ARHGAP10: variants seen among roughly 807,000 people sequenced by gnomAD.
The protein encoded by ARHGAP10 is Rho GTPase activating protein 10.
A neutral mutation model predicts 108.6 loss-of-function variants in ARHGAP10; 87 were observed. The observed-to-expected ratio is 0.80, with a 90% CI of 0.67 to 0.96. ARHGAP10 has a LOEUF of 0.96. Ranked by LOEUF, ARHGAP10 falls within the 40% of genes least tolerant of loss-of-function variation. The pLI, the probability that ARHGAP10 is intolerant of heterozygous loss-of-function variation, is 0.00. For synonymous variants in ARHGAP10, 347 were observed against 341.1 expected (o/e 1.02, Z -0.19); for missense variants, 939 against 954.5 (o/e 0.98, Z 0.21).
intron 1 of ARHGAP10, among the ~76,000 whole-genome samples, chr4:147,754,779 T>A (rs552100049): frequency 6.6e-6 from 1 of 152,226 alleles, no homozygotes; most frequent in African/African-American, 2.4e-5. Flanking sequence ...CTGTTAGAAT[T>A]ATAATGAAGT....
intron 18 of ARHGAP10, among the ~76,000 whole-genome samples, chr4:148,022,152 G>A (rs1476220170): frequency 1.3e-5 from 2 of 152,082 alleles, no homozygotes; most frequent in African/African-American, 2.4e-5. Flanking sequence ...AGTGCTTTTT[G>A]TTTTTAAATT....
chr4:147,792,875 C>T (rs986209747), intron 1 of ARHGAP10, among the ~76,000 whole-genome samples: 3 of 152,106 alleles, frequency 2.0e-5, no homozygotes, highest in Admixed American at 6.6e-5. Context: ...GTTGGCCAGG[C>T]GAGGTGGCTC....
chr4:148,026,488 G>A (rs969628702), intron 19 of ARHGAP10, among the ~76,000 whole-genome samples: 3 of 152,040 alleles, frequency 2.0e-5, no homozygotes, highest in Non-Finnish European at 4.4e-5. Context: ...GACTTCCATC[G>A]GCATTGGCGC....
In ARHGAP10 at chr4:147,911,928, T is replaced by G. The variant is rs1340429941; in HGVS notation, c.1163-1146T>G. Among the ~76,000 whole-genome samples the G allele has an allele frequency of 3.9e-5, 3 of 76,374 alleles. No individual in the cohort carries two copies. The East Asian group carries it at 1.4e-3, about 36-fold the overall frequency. The allele number at this position is 76,374 out of a possible 152,430, so 50.1% of individuals were successfully genotyped here. On this transcript the variant is annotated intron_variant, in intron 12 of 22. Coordinates refer to ENST00000336498, the MANE Select transcript of ARHGAP10 (RefSeq NM_024605.4). ...TTTAAAAAGCTTTTCTTAAAATTTT[T>G]CCTCCTAGGTTTTTTTTTTTTAAAG...
intron 10 of ARHGAP10, among the ~76,000 whole-genome samples, chr4:147,894,978 G>T (rs1301957168): frequency 6.6e-6 from 1 of 152,106 alleles, no homozygotes; most frequent in Non-Finnish European, 1.5e-5. Context: ...TTTGGCTATT[G>T]TAGGTCCTTG....
intron 19 of ARHGAP10, 24 bp downstream of exon 19, chr4:148,023,437 G>T (rs764302716): frequency 3.5e-5 from 56 of 1,605,420 alleles, no homozygotes; most frequent in Non-Finnish European, 4.3e-5. Flanking sequence ...GATATTTTTT[G>T]CTTGATAGCA....
rs570012835 is a variant in ARHGAP10 at position 147,763,904 on chromosome 4, G to A, written c.154+31449G>A. ...TGAGTAGCTGGGATTACAGGCGTAC[G>A]CCGCCATGCCTGGCTAATTTCTGTA... On this transcript the variant is annotated intron_variant, in intron 1 of 22. Transcript: ENST00000336498. 3.5e-4 allele frequency among the ~76,000 whole-genome samples: 54 copies of A among 152,116 alleles called. No homozygotes were observed. The South Asian group carries it at 0.011, about 30-fold the overall frequency.
At position 147,967,233 on chromosome 4, in the gene ARHGAP10, C is replaced by A. The variant is rs1739238120; in HGVS notation, c.1716+394C>A. On this transcript the variant is annotated intron_variant, in intron 18 of 22. Coordinates refer to ENST00000336498, the MANE Select transcript of ARHGAP10 (RefSeq NM_024605.4). ...TTGCAACTTACAAGAGAAAATAAGG[C>A]AAATAAGGTTGAAGGGATGTGAGAT... is the stretch of plus-strand genomic sequence containing the variant. 2.0e-5 allele frequency among the ~76,000 whole-genome samples: 3 copies of A among 152,140 alleles called. No homozygotes were observed. The South Asian group carries it at 6.2e-4, about 31-fold the overall frequency.
chr4:147,735,143 C>A (rs1728367215), intron 1 of ARHGAP10, among the ~76,000 whole-genome samples: 1 of 152,118 alleles, frequency 6.6e-6, no homozygotes, highest in Admixed American at 6.6e-5. Flanking sequence ...AAATATTTAG[C>A]ACCTATAATT....
intron 1 of ARHGAP10, among the ~76,000 whole-genome samples, chr4:147,734,184 CTAGAGAGGTGTG>C (rs1416848852): frequency 2.3e-4 from 35 of 152,008 alleles, no homozygotes; most frequent in African/African-American, 7.7e-4. Context: ...CCCTCTGGAG[CTAGAGAGGTGTG>C]GAGAGAGGCA....
chr4:147,783,722 CACATTAAATTA>C (rs1730667645), intron 1 of ARHGAP10, among the ~76,000 whole-genome samples: 1 of 144,664 alleles, frequency 6.9e-6, no homozygotes, highest in African/African-American at 2.6e-5. Flanking sequence ...ATTTATAGAA[CACATTAAATTA>C]TGTATTGTAT....
intron 1 of ARHGAP10, among the ~76,000 whole-genome samples, chr4:147,787,036 T>C (rs1028894753): frequency 6.6e-6 from 1 of 152,192 alleles, no homozygotes; most frequent in Non-Finnish European, 1.5e-5. Context: ...CTTTCTTCTC[T>C]ATTGTGAAGG....
chr4:147,972,649 C>A (rs1044764762), intron 18 of ARHGAP10, among the ~76,000 whole-genome samples: 15 of 152,142 alleles, frequency 9.9e-5, no homozygotes, highest in African/African-American at 3.6e-4. Context: ...TGTCTAGGGC[C>A]TTGTCAAGGA....
intron 1 of ARHGAP10, among the ~76,000 whole-genome samples, chr4:147,738,676 A>G (rs1162218346): frequency 6.6e-6 from 1 of 152,236 alleles, no homozygotes; most frequent in Non-Finnish European, 1.5e-5. Context: ...TAACTAAATT[A>G]CAGGCATATA....
At chr4:148,061,537 G>A (rs1729620158) in intron 20 of ARHGAP10, among the ~76,000 whole-genome samples, 1 of 151,876 alleles carries the variant, frequency 6.6e-6, no homozygotes, top group African/African-American at 2.4e-5. Flanking sequence ...ATCTTGCCTT[G>A]GGATAAAATA....
chr4:147,925,783 C>T (rs1468755746), intron 13 of ARHGAP10, among the ~76,000 whole-genome samples: 2 of 152,192 alleles, frequency 1.3e-5, no homozygotes, highest in African/African-American at 4.8e-5. Flanking sequence ...CAGTTTATTA[C>T]TGTCAGTAGC....
chr4:148,023,659 T>C (rs1325457366), intron 19 of ARHGAP10, among the ~76,000 whole-genome samples: 2 of 152,338 alleles, frequency 1.3e-5, no homozygotes, highest in South Asian at 4.1e-4. Context: ...TTAAATTTCT[T>C]TTTTGGGAGA....
rs551762090 is a variant in ARHGAP10, at chr4:147,782,998, T to G, written c.155-39729T>G. On this transcript the variant is annotated intron_variant, in intron 1 of 22. Coordinates refer to ENST00000336498, the MANE Select transcript of ARHGAP10 (RefSeq NM_024605.4). ...TATATATTATATAAATTATATATAT[T>G]ATATAAATTATATACTATATGTTAA... Among the ~76,000 whole-genome samples the G allele has an allele frequency of 4.4e-5, 6 of 137,896 alleles. No individual in the cohort carries two copies. In the South Asian group the frequency reaches 1.3e-3, roughly 30 times the overall value. 90.5% of individuals were successfully genotyped at this position (137,896 alleles called of 152,430 possible). A position where few individuals can be genotyped will look rare whatever the true frequency, so the allele number is the denominator to read the frequency against.
At chr4:147,744,881 G>C (rs2126683654) in intron 1 of ARHGAP10, among the ~76,000 whole-genome samples, 1 of 152,258 alleles carries the variant, frequency 6.6e-6, no homozygotes, top group Non-Finnish European at 1.5e-5. Context: ...ACACCATATG[G>C]ATGGGAAACG....
Sources: gnomAD v4.1 joint callset for allele counts (sites outside exome capture counted in the v4.1 genomes callset) on GRCh38, gnomAD v4.1.1 for gene constraint, MANE v1.5 for transcripts, NCBI Gene and HGNC (gene_info 2026-07-23, HGNC 2026-07-21) for gene names.